The following LCORL variants were observed in gnomAD, a reference collection of about 807,000 sequenced individuals.
LCORL encodes ligand dependent nuclear receptor corepressor like.
LCORL carries 41 observed loss-of-function variants against 141.8 expected under a neutral mutation model. The ratio of observed to expected loss-of-function variants is 0.29; its 90% CI spans 0.23 to 0.38. LCORL has a LOEUF of 0.38. LCORL is among the 10% of genes least tolerant of loss of function. LCORL has a pLI of 1.00. For synonymous variants in LCORL, 618 were observed against 694.1 expected (o/e 0.89, Z 1.72); for missense variants, 1,759 against 2,035.0 (o/e 0.86, Z 2.61).
chr4:17,953,828 G>C (rs1711969845), intron 4 of LCORL, among the ~76,000 whole-genome samples: 1 of 152,128 alleles, frequency 6.6e-6, no homozygotes, highest in African/African-American at 2.4e-5. Context: ...TCCAGAAGTG[G>C]CAGATAAACA....
intron 1 of LCORL, among the ~76,000 whole-genome samples, chr4:17,991,160 T>C (rs1338844554): frequency 6.6e-6 from 1 of 152,218 alleles, no homozygotes; most frequent in East Asian, 1.9e-4. Flanking sequence ...CTAGTTTACC[T>C]AGCATAACCT....
chr4:17,852,830 A>G (rs1723919311), intron 7 of LCORL, among the ~76,000 whole-genome samples: 1 of 152,144 alleles, frequency 6.6e-6, no homozygotes, highest in Non-Finnish European at 1.5e-5. Context: ...ATGATTATTG[A>G]TAAGTCTAAT....
intron 5 of LCORL, among the ~76,000 whole-genome samples, chr4:17,892,303 G>C (rs1405337251): frequency 6.6e-6 from 1 of 151,034 alleles, no homozygotes; most frequent in Non-Finnish European, 1.5e-5. Flanking sequence ...CCACCTCCTG[G>C]GTTCGAGTGA....
rs1303608389 is a variant in LCORL at position 18,021,810 on chromosome 4, G to C, written c.-59C>G. 1 of 1,312,646 alleles carries C rather than the reference G, an allele frequency of 7.6e-7. No individual in the cohort carries two copies. Among genetic ancestry groups the C allele is most frequent in the Non-Finnish European group, 9.9e-7 (1 of 1,010,228 alleles). The allele number at this position is 1,312,646 out of a possible 1,614,324, so 81.3% of individuals were successfully genotyped here. On this transcript the variant is annotated 5_prime_UTR_variant, in exon 1 of 8. Coordinates refer to ENST00000635767, the Ensembl canonical transcript of LCORL. This position sits in a 1 kb window ranked among gnomAD's most constrained non-coding sequence, Gnocchi z 5.5. ...CGAGCAGCGCAGGCACGAGGCAGGGGCGCGAGCCCTCGGCGCGAGCCCCGG... is the reference window on the plus strand; with the variant it reads ...CGAGCAGCGCAGGCACGAGGCAGGGCCGCGAGCCCTCGGCGCGAGCCCCGG...
chr4:17,936,525 A>G (rs1367667052), intron 4 of LCORL, among the ~76,000 whole-genome samples: 2 of 152,194 alleles, frequency 1.3e-5, no homozygotes, highest in East Asian at 3.8e-4. Flanking sequence ...TAAAATGTGT[A>G]TCACTTCTTA....
exon 8 of LCORL, chr4:17,845,409 G>GTGTT (rs1183574502): frequency 1.5e-5 from 3 of 199,912 alleles, no homozygotes; most frequent in African/African-American, 7.0e-5. Flanking sequence ...AAATCACAAT[G>GTGTT]TGTTATATAT....
chr4:17,945,431 A>G (rs1470509318), intron 4 of LCORL, among the ~76,000 whole-genome samples: 2 of 151,844 alleles, frequency 1.3e-5, no homozygotes, highest in African/African-American at 2.4e-5. Flanking sequence ...TTACACTAGA[A>G]TTTATCGTCA....
Position 18,021,748 on chromosome 4 carries a change from C to A in LCORL, c.4G>T (p.Asp2Tyr). The change falls in exon 1 of 8, where the codon GAC becomes TAC. Residue 2 changes from aspartate to tyrosine, a missense_variant. Asp to Tyr is a radical substitution (Grantham distance 160). This residue lies in a region of LCORL where 86 missense variants were observed against 61.8 expected (regional missense o/e 1.39). Coordinates refer to ENST00000635767, the Ensembl canonical transcript of LCORL. This position sits in a 1 kb window ranked among gnomAD's most constrained non-coding sequence, Gnocchi z 5.5. The stretch of plus-strand genomic sequence containing the variant: ...GCGGCCATTCTCTCTCTTCCCTTGT[C>A]CATCTGCGTCCCGCGTCACGCGCCC... 1 of 1,495,886 alleles carries A rather than the reference C, an allele frequency of 6.7e-7. No homozygotes were observed. Among genetic ancestry groups the A allele is most frequent in the Non-Finnish European group, 8.9e-7 (1 of 1,126,756 alleles). 92.7% of individuals were successfully genotyped at this position (1,495,886 alleles called of 1,614,324 possible).
chr4:17,907,770 C>T (rs1731874997), intron 5 of LCORL, among the ~76,000 whole-genome samples: 1 of 152,104 alleles, frequency 6.6e-6, no homozygotes, highest in Non-Finnish European at 1.5e-5. Context: ...TTATGTGTGG[C>T]CCAACACAAC....
chr4:17,873,816 T>C lies in LCORL; in HGVS notation c.5174A>G (p.Lys1725Arg), dbSNP rs1577299987. The C allele has an allele frequency of 3.2e-6, 4 of 1,233,956 alleles. No individual in the cohort carries two copies. In the East Asian group the frequency reaches 1.3e-4, roughly 39 times the overall value. 76.4% of individuals were successfully genotyped at this position (1,233,956 alleles called of 1,614,324 possible). Residue 1725 changes from lysine to arginine, a missense_variant, in exon 7 of 8, where the codon AAA (lysine) becomes AGA (arginine). By Grantham distance (26) the Lys-to-Arg change is conservative. Coordinates refer to ENST00000635767, the Ensembl canonical transcript of LCORL. ...CTTCCTCAAAAATATTCTACAGTCT[T>C]TTAAGGTTTTTGACCTCCAACTATT...
At chr4:17,874,129 A>C in exon 7 of LCORL, 1 of 1,233,970 alleles carries the variant, frequency 8.1e-7, no homozygotes, top group Non-Finnish European at 1.0e-6. Context: ...TTAGAGTTCC[A>C]GTCAACTGTT....
intron 4 of LCORL, among the ~76,000 whole-genome samples, chr4:17,945,247 A>G (rs1738671361): frequency 6.6e-6 from 1 of 152,116 alleles, no homozygotes; most frequent in Non-Finnish European, 1.5e-5. Flanking sequence ...TTTACAGAGT[A>G]CTATTATTAT....
intron 4 of LCORL, among the ~76,000 whole-genome samples, chr4:17,933,527 C>T: frequency 6.6e-6 from 1 of 152,124 alleles, no homozygotes; most frequent in South Asian, 2.1e-4. Context: ...TTAGTCAATT[C>T]TCCATTCCCA....
At chr4:17,992,296 G>A (rs543984332) in intron 1 of LCORL, among the ~76,000 whole-genome samples, 16 of 152,204 alleles carry the variant, frequency 1.1e-4, no homozygotes, top group South Asian at 4.2e-4. Context: ...ATCAGATCTC[G>A]TGAGAACTCA....
chr4:17,846,980 C>T (rs1380337631), intron 7 of LCORL, among the ~76,000 whole-genome samples: 1 of 152,170 alleles, frequency 6.6e-6, no homozygotes, highest in African/African-American at 2.4e-5. Flanking sequence ...GCTAAATACA[C>T]AGTAATTACT....
At chr4:17,875,737 C>T in exon 7 of LCORL, 2 of 1,231,116 alleles carry the variant, frequency 1.6e-6, no homozygotes, top group Non-Finnish European at 2.0e-6. Context: ...ACTTGGGGAC[C>T]TATTTTTTTT....
At chr4:17,912,396 T>C in intron 4 of LCORL, 1 of 636,446 alleles carries the variant, frequency 1.6e-6, no homozygotes, top group Admixed American at 1.9e-5. Flanking sequence ...CTAGGGTGAC[T>C]GCGGAGGTAG....
At chr4:17,902,118 T>C (rs1396556583) in intron 5 of LCORL, among the ~76,000 whole-genome samples, 1 of 151,616 alleles carries the variant, frequency 6.6e-6, no homozygotes, top group Non-Finnish European at 1.5e-5. Flanking sequence ...TTTAAGAAAA[T>C]GAGAAAAAGC....
chr4:17,843,460 G>A, exon 8 of LCORL: 1 of 1,601,832 alleles, frequency 6.2e-7, no homozygotes, highest in Non-Finnish European at 8.5e-7. Flanking sequence ...TTAAGATTAT[G>A]TCCAGTTATT....
Sources: gnomAD v4.1 joint callset for allele counts (sites outside exome capture counted in the v4.1 genomes callset) on GRCh38, gnomAD v4.1.1 for gene constraint, gnomAD v4.1.1 regional missense constraint, Gnocchi (gnomAD v3.1) non-coding constraint, MANE v1.5 for transcripts, NCBI Gene and HGNC (gene_info 2026-07-23, HGNC 2026-07-21) for gene names.